Variants in PDE4D observed in about 807,000 individuals in gnomAD.
The protein encoded by PDE4D is phosphodiesterase 4D.
Under a neutral mutation model 87.4 loss-of-function variants are expected in PDE4D, and 24 were observed. That is an observed-to-expected ratio of 0.27 (90% CI 0.20 to 0.39). The LOEUF is 0.39. Ranked by LOEUF, PDE4D falls within the 10% of genes least tolerant of loss-of-function variation. The pLI is 1.00. For synonymous variants in PDE4D, 384 were observed against 383.2 expected, an observed-to-expected ratio of 1.00 and a Z score of -0.02; for missense variants, 714 against 1,041.0, an observed-to-expected ratio of 0.69 and a Z score of 4.32.
At chr5:59,494,667 AACT>A (rs1806827409) in intron 1 of PDE4D, among the ~76,000 whole-genome samples, 2 of 152,176 alleles carry the variant, frequency 1.3e-5, no homozygotes, top group Admixed American at 6.5e-5. Flanking sequence ...CAGTCTTTTA[AACT>A]ACTATTAACT....
chr5:60,300,668 A>G (rs1182351559), intron 1 of PDE4D, among the ~76,000 whole-genome samples: 1 of 151,860 alleles, frequency 6.6e-6, no homozygotes, highest in Non-Finnish European at 1.5e-5. Flanking sequence ...TGCTTTCCCC[A>G]TTGCTTGTTT....
chr5:60,125,846 G>C (rs1212520584), intron 2 of PDE4D, among the ~76,000 whole-genome samples: 1 of 152,074 alleles, frequency 6.6e-6, no homozygotes, highest in East Asian at 1.9e-4. Flanking sequence ...ATCCAAATGA[G>C]AAACAGAATT....
At chr5:59,598,841 G>A (rs1435241798) in intron 1 of PDE4D, among the ~76,000 whole-genome samples, 1 of 152,158 alleles carries the variant, frequency 6.6e-6, no homozygotes, top group Non-Finnish European at 1.5e-5. Context: ...TGCTTTGCAA[G>A]GCTGAGGCAA....
intron 1 of PDE4D, among the ~76,000 whole-genome samples, chr5:59,311,693 C>T (rs1772689913): frequency 6.6e-6 from 1 of 151,942 alleles, no homozygotes; most frequent in South Asian, 2.1e-4. Flanking sequence ...AATGAAAAAA[C>T]TAATTTTTCA....
In PDE4D at chr5:59,859,568, A is replaced by G. The variant is rs553392817; in HGVS notation, c.455+33600T>C. Among the ~76,000 whole-genome samples, 305 of 152,344 alleles carry G rather than the reference A, an allele frequency of 2.0e-3. 1 individual carries two copies. Among genetic ancestry groups the G allele is most frequent in the African/African-American group, 7.1e-3 (294 of 41,584 alleles). The stretch of plus-strand genomic sequence containing the variant: ...TAAGATTATTCTCTGGTTTTTTAAA[A>G]GTATGTCTAATGATGTGCTTTTTGA... On this transcript the variant is annotated intron_variant, in intron 1 of 14. Transcript: ENST00000340635.
intron 1 of PDE4D, among the ~76,000 whole-genome samples, chr5:60,498,822 G>A (rs1023197801): frequency 2.0e-5 from 3 of 152,066 alleles, no homozygotes; most frequent in African/African-American, 4.8e-5. Flanking sequence ...CCTCCTATAA[G>A]GGCTTCTGCC....
intron 2 of PDE4D, chr5:60,127,669 C>A: frequency 3.4e-6 from 2 of 594,810 alleles, no homozygotes; most frequent in Non-Finnish European, 6.0e-6. Flanking sequence ...AAAATCAGGT[C>A]GCAGTAAGCA....
intron 2 of PDE4D, among the ~76,000 whole-genome samples, chr5:60,073,751 G>A (rs1051842040): frequency 6.6e-6 from 1 of 151,984 alleles, no homozygotes; most frequent in Non-Finnish European, 1.5e-5. Context: ...GGTTCAGTCT[G>A]AGAGAGTGTA....
intron 6 of PDE4D, among the ~76,000 whole-genome samples, chr5:58,997,025 A>G (rs1749378964): frequency 6.6e-6 from 1 of 152,174 alleles, no homozygotes; most frequent in African/African-American, 2.4e-5. Context: ...GACTCCAAGG[A>G]AGTCAACATT....
intron 11 of PDE4D, among the ~76,000 whole-genome samples, chr5:58,984,794 T>TACAG (rs1746027875): frequency 2.6e-5 from 4 of 152,220 alleles, no homozygotes; most frequent in African/African-American, 9.6e-5. Context: ...CAAGTAAAAT[T>TACAG]TAATGCTATA....
intron 2 of PDE4D, among the ~76,000 whole-genome samples, chr5:60,095,681 T>G (rs922539772): frequency 6.6e-6 from 1 of 152,136 alleles, no homozygotes; most frequent in African/African-American, 2.4e-5. Flanking sequence ...ACAAGTTCAA[T>G]GGTTGAACTG....
intron 1 of PDE4D, among the ~76,000 whole-genome samples, chr5:60,344,498 C>T (rs1437336466): frequency 1.3e-5 from 2 of 151,934 alleles, no homozygotes; most frequent in African/African-American, 4.8e-5. Context: ...TAACAGTGAC[C>T]AAAATGAAGG....
intron 5 of PDE4D, among the ~76,000 whole-genome samples, chr5:59,055,572 A>T (rs1220377088): frequency 1.3e-5 from 2 of 151,852 alleles, no homozygotes; most frequent in Non-Finnish European, 1.5e-5. Context: ...TTGATCATCT[A>T]GACCTTTTTC....
chr5:59,878,900 T>G (rs866380998), intron 1 of PDE4D, among the ~76,000 whole-genome samples: 2,667 of 128,288 alleles, frequency 0.021, 79 homozygotes, highest in African/African-American at 0.083. Context: ...TTTTTTTTTT[T>G]TTTTTTTTTT....
intron 1 of PDE4D, chr5:59,275,993 T>A: frequency 1.0e-6 from 1 of 985,214 alleles, no homozygotes; most frequent in Non-Finnish European, 1.2e-6. Context: ...TTTCTGTGTG[T>A]CCCTGCTTAG....
intron 1 of PDE4D, among the ~76,000 whole-genome samples, chr5:59,446,703 T>C (rs1798403657): frequency 6.6e-6 from 1 of 152,234 alleles, no homozygotes; most frequent in African/African-American, 2.4e-5. Flanking sequence ...ATATTACTAG[T>C]ACGGAGCTCC....
At chr5:59,980,873 G>T (rs1030284324) in intron 3 of PDE4D, among the ~76,000 whole-genome samples, 1 of 152,144 alleles carries the variant, frequency 6.6e-6, no homozygotes, top group African/African-American at 2.4e-5. Context: ...TTCAAGAATT[G>T]CCCTGATTCT....
intron 1 of PDE4D, among the ~76,000 whole-genome samples, chr5:59,533,155 C>T (rs1814533650): frequency 6.6e-6 from 1 of 152,072 alleles, no homozygotes; most frequent in Non-Finnish European, 1.5e-5. Flanking sequence ...GATAACATGC[C>T]CACAAATACT....
chr5:59,012,542 A>G (rs1357780042), intron 6 of PDE4D, among the ~76,000 whole-genome samples: 2 of 152,346 alleles, frequency 1.3e-5, no homozygotes, highest in African/African-American at 4.8e-5. Flanking sequence ...AACAAAGATC[A>G]GAAGAGACAA....
Sources: allele counts gnomAD v4.1 joint callset (sites outside exome capture counted in the v4.1 genomes callset), GRCh38; gene constraint gnomAD v4.1.1; transcripts MANE v1.5; gene names NCBI Gene and HGNC (gene_info 2026-07-23, HGNC 2026-07-21).